ARHGAP32: variants seen among roughly 807,000 people sequenced by gnomAD.
ARHGAP32 encodes Rho GTPase activating protein 32.
A neutral mutation model predicts 186.5 loss-of-function variants in ARHGAP32; 51 were observed. The ratio of observed to expected loss-of-function variants is 0.27; its 90% CI spans 0.22 to 0.35. The LOEUF is 0.35. Among genes scored for constraint, ARHGAP32 ranks in the 10% least tolerant of loss-of-function variants. The probability of loss-of-function intolerance (pLI) is 1.00; values close to 1 mark genes in which losing one functional copy is unlikely to be tolerated. For missense variants in ARHGAP32, 2,186 were observed against 2,623.5 expected, an observed-to-expected ratio of 0.83 and a Z score of 3.64; for synonymous variants, 950 against 964.3, an observed-to-expected ratio of 0.99 and a Z score of 0.27.
Position 129,174,410 on chromosome 11 carries a change from C to T in ARHGAP32, c.117-9983G>A, listed in dbSNP as rs561809418. 1.4e-4 allele frequency among the ~76,000 whole-genome samples: 22 copies of T among 152,308 alleles called. No individual in the cohort carries two copies. In the South Asian group the frequency reaches 4.6e-3, roughly 32 times the overall value. The stretch of plus-strand genomic sequence containing the variant: ...AGGCTTGCTTAGGTAAACAAAGCAG[C>T]CAGAAAGCTCGAACTGGGTAGAGCC... On this transcript the variant is annotated intron_variant, in intron 1 of 22. Transcript: ENST00000682385.
intron 1 of ARHGAP32, among the ~76,000 whole-genome samples, chr11:129,264,030 G>A (rs1220125413): frequency 1.3e-5 from 2 of 152,260 alleles, no homozygotes; most frequent in Non-Finnish European, 2.9e-5. Flanking sequence ...ATGTGGTATG[G>A]ACACACAATG....
chr11:129,219,273 G>A (rs1463800810), intron 1 of ARHGAP32, among the ~76,000 whole-genome samples: 2 of 152,078 alleles, frequency 1.3e-5, no homozygotes, highest in Non-Finnish European at 2.9e-5. Flanking sequence ...AAGTACCTAG[G>A]ACTATATATA....
chr11:129,158,577 T>C (rs574877452), intron 2 of ARHGAP32, among the ~76,000 whole-genome samples: 2 of 152,236 alleles, frequency 1.3e-5, no homozygotes, highest in African/African-American at 2.4e-5. Context: ...TTTAGAGACC[T>C]ACAAAGAGAC....
At chr11:129,188,695 TC>T (rs60857363) in intron 1 of ARHGAP32, among the ~76,000 whole-genome samples, 22,911 of 151,940 alleles carry the variant, frequency 0.15, 2,100 homozygotes, top group African/African-American at 0.25. Context: ...AAAGGCATTG[TC>T]CCCCCCAATT....
Position 128,972,950 on chromosome 11 carries a change from C to G in ARHGAP32, c.3556G>C (p.Asp1186His). ...EKARITSVPL[D>H]SEKSDDHVSF... ...ACATGATCATCAGACTTCTCTGAGTCTAAGGGAACTGAAGTAATTCTGGCC... is the reference window on the plus strand; with the variant it reads ...ACATGATCATCAGACTTCTCTGAGTGTAAGGGAACTGAAGTAATTCTGGCC... The change falls in exon 22 of 23, where the codon GAC becomes CAC. Residue 1186 changes from aspartate to histidine, a missense_variant. Coordinates refer to ENST00000682385, the MANE Select transcript of ARHGAP32 (RefSeq NM_001378024.1). 6.2e-7 allele frequency: 1 copy of G among 1,613,990 alleles called. No homozygotes were observed. The highest frequency in any genetic ancestry group is 8.5e-7 in the Non-Finnish European group (1 of 1,180,024).
upstream of ARHGAP32, among the ~76,000 whole-genome samples, chr11:129,279,613 G>A (rs1235078234): frequency 1.4e-5 from 2 of 145,628 alleles, no homozygotes; most frequent in South Asian, 2.1e-4. Flanking sequence ...CACCCGCGAC[G>A]CCCGCAGCGG....
intron 1 of ARHGAP32, among the ~76,000 whole-genome samples, chr11:129,244,985 T>C (rs1426060234): frequency 1.3e-5 from 2 of 151,862 alleles, no homozygotes; most frequent in African/African-American, 4.8e-5. Flanking sequence ...ATAGGAACAC[T>C]TTTACACTGT....
At chr11:129,138,316 G>A (rs4121413) in intron 2 of ARHGAP32, among the ~76,000 whole-genome samples, 1,372 of 14,448 alleles carry the variant, frequency 0.095, 74 homozygotes, top group South Asian at 0.23. Context: ...AAAAAAAAAA[G>A]AACAATGCCG....
At chr11:129,088,993 GTC>G (rs1374989323) in intron 6 of ARHGAP32, among the ~76,000 whole-genome samples, 1 of 46,816 alleles carries the variant, frequency 2.1e-5, no homozygotes, top group African/African-American at 1.1e-4. Context: ...GAGAGACCTT[GTC>G]AAAAAAAAAA....
At chr11:129,105,512 A>T (rs547309979) in intron 5 of ARHGAP32, among the ~76,000 whole-genome samples, 1 of 152,348 alleles carries the variant, frequency 6.6e-6, no homozygotes, top group South Asian at 2.1e-4. Context: ...CATTCAAAAA[A>T]ATCCCTGACA....
intron 11 of ARHGAP32, among the ~76,000 whole-genome samples, chr11:129,011,884 A>C (rs1938103218): frequency 6.6e-6 from 1 of 152,180 alleles, no homozygotes; most frequent in South Asian, 2.1e-4. Context: ...GAATACACAC[A>C]TCACACACAA....
intron 11 of ARHGAP32, among the ~76,000 whole-genome samples, chr11:129,010,410 G>T (rs537802760): frequency 2.2e-4 from 34 of 152,174 alleles, no homozygotes; most frequent in African/African-American, 7.9e-4. Context: ...TTCTTCTAGG[G>T]TTTATATAGT....
intron 1 of ARHGAP32, among the ~76,000 whole-genome samples, chr11:129,180,206 G>A (rs976140479): frequency 1.3e-5 from 2 of 152,018 alleles, no homozygotes; most frequent in African/African-American, 2.4e-5. Context: ...AAAGGAATTT[G>A]CAAAAAGTAG....
chr11:129,230,351 T>C (rs1944841331), intron 1 of ARHGAP32, among the ~76,000 whole-genome samples: 2 of 152,210 alleles, frequency 1.3e-5, no homozygotes, highest in Admixed American at 6.5e-5. Context: ...TCAGATGTTA[T>C]TGAAAAAAGT....
intron 10 of ARHGAP32, among the ~76,000 whole-genome samples, chr11:129,043,450 G>A (rs891795084): frequency 7.1e-6 from 1 of 139,940 alleles, no homozygotes; most frequent in African/African-American, 2.7e-5. Flanking sequence ...GCAACGACGC[G>A]ACCTCGGCTC....
In ARHGAP32 at chr11:129,209,019, T is replaced by C. The variant is rs567594582; in HGVS notation, c.-4-44592A>G. On this transcript the variant is annotated intron_variant, in intron 1 of 6. Transcript: ENST00000525234. ...GATATGAGTATGCCACAAGAAAGAA[T>C]GGTAATTTAAACAGCATTGTTTTCC... Among the ~76,000 whole-genome samples, 59 of 152,192 alleles carry C rather than the reference T, an allele frequency of 3.9e-4. 1 individual carries two copies. Among genetic ancestry groups the C allele is most frequent in the African/African-American group, 1.4e-3 (59 of 41,546 alleles).
rs1338857205 is a variant in ARHGAP32, at chr11:128,992,736, G to A, written c.1196-4611C>T. Among the ~76,000 whole-genome samples the A allele has an allele frequency of 6.6e-5, 10 of 152,064 alleles. No homozygotes were observed. In the East Asian group the frequency reaches 1.3e-3, roughly 21 times the overall value. The stretch of plus-strand genomic sequence containing the variant: ...TGGGAGGTGGAGGTTGCAGTGAGCC[G>A]AGATTGTGCCATTACACTCCAGCCT... On this transcript the variant is annotated intron_variant, in intron 12 of 22. Coordinates refer to ENST00000682385, the MANE Select transcript of ARHGAP32 (RefSeq NM_001378024.1).
intron 10 of ARHGAP32, among the ~76,000 whole-genome samples, chr11:129,057,857 A>G (rs1299236647): frequency 6.6e-6 from 1 of 152,138 alleles, no homozygotes; most frequent in African/African-American, 2.4e-5. Context: ...ATGTCCTTAC[A>G]AGAAGAAGGG....
chr11:129,033,293 G>A (rs61293580), intron 11 of ARHGAP32, among the ~76,000 whole-genome samples: 18,556 of 152,100 alleles, frequency 0.12, 1,307 homozygotes, highest in Non-Finnish European at 0.15. Context: ...TCTAAAAGTG[G>A]AACTGCTGGG....
Sources: allele counts gnomAD v4.1 joint callset (sites outside exome capture counted in the v4.1 genomes callset), GRCh38; gene constraint gnomAD v4.1.1; transcripts MANE v1.5; gene names NCBI Gene and HGNC (gene_info 2026-07-23, HGNC 2026-07-21).